The following PCDHA11 variants were observed in gnomAD, a reference collection of about 807,000 sequenced individuals.
The protein encoded by PCDHA11 is protocadherin alpha-11.
In PCDHA11, 61 loss-of-function variants were observed where a neutral mutation model predicts 70.3. The observed-to-expected ratio is 0.87, with a 90% CI of 0.71 to 1.07. The LOEUF (loss-of-function observed/expected upper bound fraction) is 1.07, where lower values mean the gene tolerates loss of function less well. Ranked by LOEUF, PCDHA11 falls within the 50% of genes least tolerant of loss-of-function variation. The pLI is 0.00. For missense variants in PCDHA11, 1,324 were observed against 1,237.5 expected, an observed-to-expected ratio of 1.07 and a Z score of -1.05; for synonymous variants, 633 against 555.1, an observed-to-expected ratio of 1.14 and a Z score of -1.97.
intron 1 of PCDHA11, among the ~76,000 whole-genome samples, chr5:140,937,575 T>C (rs111558133): frequency 1.8e-3 from 268 of 149,140 alleles, no homozygotes; most frequent in African/African-American, 6.4e-3. Context: ...TGGGATCGCG[T>C]CACTGCACTC....
intron 3 of PCDHA11, among the ~76,000 whole-genome samples, chr5:140,982,966 G>A (rs1407279371): frequency 6.6e-6 from 1 of 151,986 alleles, no homozygotes; most frequent in African/African-American, 2.4e-5. Flanking sequence ...CCCACCCAAA[G>A]TAGTAAGGAA....
At chr5:140,969,139 C>T (rs1407003944) in intron 1 of PCDHA11, 5 of 1,614,064 alleles carry the variant, frequency 3.1e-6, no homozygotes, top group Non-Finnish European at 4.2e-6. Context: ...CCAAGACCTA[C>T]TGCTACAAGG....
rs782070226 is a variant in PCDHA11 at position 141,010,142 on chromosome 5, C to G, written c.*205C>G. 1 of 1,588,326 alleles carries G rather than the reference C, an allele frequency of 6.3e-7. No homozygotes were observed. Among genetic ancestry groups the G allele is most frequent in the South Asian group, 1.1e-5 (1 of 88,492 alleles). On this transcript the variant is annotated 3_prime_UTR_variant, in exon 4 of 4. Transcript: ENST00000398640. ...TTACTAAGTCTGGTGTTAACTCTTTCTCTCCACTCTGGCTTGTTTTCAGAA... is the reference window on the plus strand; with the variant it reads ...TTACTAAGTCTGGTGTTAACTCTTTGTCTCCACTCTGGCTTGTTTTCAGAA...
chr5:140,875,749 G>A (rs782793601), intron 1 of PCDHA11: 3 of 1,614,264 alleles, frequency 1.9e-6, no homozygotes, highest in African/African-American at 1.3e-5. Flanking sequence ...GATCGACCGC[G>A]AGAAGCTGTG....
Position 140,869,313 on chromosome 5 carries a change from A to G in PCDHA11, c.210A>G (p.Thr70=). 6.2e-7 allele frequency: 1 copy of G among 1,613,732 alleles called. No individual in the cohort carries two copies. The highest frequency in any genetic ancestry group is 8.5e-7 in the Non-Finnish European group (1 of 1,179,970). The change falls in exon 1 of 4, where the codon ACA becomes ACG. Residue 70 remains threonine, a synonymous_variant. Coordinates refer to ENST00000398640, the MANE Select transcript of PCDHA11 (RefSeq NM_018902.5). ...GCCTGTTCCGGGTGGCGTCCAAAAC[A>G]CATGGGGACCTTCTGGAGGTAAATC... ...VQRLFRVASK[T]HGDLLEVNLQ...
chr5:140,877,634 T>C, intron 1 of PCDHA11: 1 of 1,613,738 alleles, frequency 6.2e-7, no homozygotes, highest in Non-Finnish European at 8.5e-7. Context: ...TACACTGCGC[T>C]GCGTTGCTCA....
intron 1 of PCDHA11, among the ~76,000 whole-genome samples, chr5:140,965,140 TG>T (rs1191631396): frequency 2.0e-5 from 3 of 152,150 alleles, no homozygotes; most frequent in Non-Finnish European, 4.4e-5. Flanking sequence ...GACAGAATAC[TG>T]GGAGATGAAG....
intron 1 of PCDHA11, among the ~76,000 whole-genome samples, chr5:140,911,178 G>A (rs1227283843): frequency 1.3e-5 from 2 of 152,196 alleles, no homozygotes; most frequent in Non-Finnish European, 2.9e-5. Flanking sequence ...TGATGGCAGT[G>A]TGGGTTGGGG....
At position 140,869,307 on chromosome 5, in the gene PCDHA11, C is replaced by G; in HGVS notation, c.204C>G (p.Ser68=). The G allele has an allele frequency of 1.2e-6, 2 of 1,613,664 alleles. No homozygotes were observed. Among genetic ancestry groups the G allele is most frequent in the Non-Finnish European group, 1.7e-6 (2 of 1,179,988 alleles). ...ELVQRLFRVA[S]KTHGDLLEVN... ...TGCAGCGCCTGTTCCGGGTGGCGTC[C>G]AAAACACATGGGGACCTTCTGGAGG... The change falls in exon 1 of 4, where the codon TCC becomes TCG. Residue 68 remains serine (S), a synonymous_variant. Transcript: ENST00000398640.
chr5:140,938,843 C>G (rs1232774282), intron 1 of PCDHA11, among the ~76,000 whole-genome samples: 1 of 152,130 alleles, frequency 6.6e-6, no homozygotes, highest in East Asian at 1.9e-4. Context: ...AACAAACCTG[C>G]CCATGTACCC....
chr5:140,930,917 G>A (rs528997377), intron 1 of PCDHA11, among the ~76,000 whole-genome samples: 3 of 152,272 alleles, frequency 2.0e-5, no homozygotes, highest in African/African-American at 7.2e-5. Context: ...TACTTTAGAT[G>A]TGTATATGTG....
At chr5:140,942,950 T>G (rs1461424409) in intron 1 of PCDHA11, among the ~76,000 whole-genome samples, 1 of 151,716 alleles carries the variant, frequency 6.6e-6, no homozygotes, top group Non-Finnish European at 1.5e-5. Context: ...AGTGTAGACG[T>G]TCTGTTATCA....
chr5:140,894,919 T>C (rs1188144925), intron 1 of PCDHA11, among the ~76,000 whole-genome samples: 1 of 152,348 alleles, frequency 6.6e-6, no homozygotes, highest in Non-Finnish European at 1.5e-5. Context: ...TGTTGCTCTA[T>C]AGATTTCTAT....
intron 1 of PCDHA11, among the ~76,000 whole-genome samples, chr5:140,977,165 T>C (rs921089293): frequency 1.3e-5 from 2 of 152,156 alleles, no homozygotes; most frequent in Non-Finnish European, 2.9e-5. Context: ...TTCAGCAAAA[T>C]GAGTTTGATG....
At chr5:140,928,592 T>A in intron 1 of PCDHA11, 1 of 1,614,178 alleles carries the variant, frequency 6.2e-7, no homozygotes, top group Non-Finnish European at 8.5e-7. Flanking sequence ...TCTGTCCCAG[T>A]GGAAATTGTG....
intron 1 of PCDHA11, chr5:140,927,814 G>T: frequency 6.2e-7 from 1 of 1,614,172 alleles, no homozygotes; most frequent in Non-Finnish European, 8.5e-7. Flanking sequence ...GCTCTTGGAG[G>T]CATACATTGA....
chr5:140,882,061 G>GT, intron 1 of PCDHA11: 1 of 816,902 alleles, frequency 1.2e-6, no homozygotes, highest in Non-Finnish European at 1.9e-6. Flanking sequence ...ACACTTACAC[G>GT]TTCATGCGCA....
At position 140,978,992 on chromosome 5, in the gene PCDHA11, G is replaced by T. The variant is rs1363421000; in HGVS notation, c.2435G>T (p.Arg812Ile). The change falls in exon 2 of 4, where the codon AGA (arginine) becomes ATA (isoleucine). Residue 812 changes from arginine to isoleucine, a missense_variant. Arg to Ile is a moderately conservative substitution (Grantham distance 97). Transcript: ENST00000398640. ...NPDWRYSASL[R>I]AGMHSSVHLE... Reference sequence around the variant, plus strand: ...GACTGGCGTTACTCTGCCTCCCTGAGAGCAGGCATGCACAGGTATGTATTT... The same window carrying T: ...GACTGGCGTTACTCTGCCTCCCTGATAGCAGGCATGCACAGGTATGTATTT... The T allele has an allele frequency of 8.1e-6, 13 of 1,614,060 alleles. No homozygotes were observed. Among genetic ancestry groups the T allele is most frequent in the Non-Finnish European group, 1.1e-5 (13 of 1,180,034 alleles).
chr5:140,896,386 C>T (rs575002506), intron 1 of PCDHA11, among the ~76,000 whole-genome samples: 1 of 152,124 alleles, frequency 6.6e-6, no homozygotes, highest in African/African-American at 2.4e-5. Context: ...TGCAACCTCA[C>T]CAGCATCTGT....
Sources: gnomAD v4.1 joint callset for allele counts (sites outside exome capture counted in the v4.1 genomes callset) on GRCh38, gnomAD v4.1.1 for gene constraint, MANE v1.5 for transcripts, NCBI Gene and HGNC (gene_info 2026-07-23, HGNC 2026-07-21) for gene names.